Variants in DUOXA1 observed in about 807,000 individuals in gnomAD.
DUOXA1 encodes dual oxidase maturation factor 1, also known as dual oxidase activator 1.
Under a neutral mutation model 26.6 loss-of-function variants are expected in DUOXA1, and 19 were observed. The ratio of observed to expected loss-of-function variants is 0.71; its 90% CI spans 0.50 to 1.05. DUOXA1 has a LOEUF of 1.05. Among genes scored for constraint, DUOXA1 ranks in the 50% least tolerant of loss-of-function variants. DUOXA1 has a pLI of 0.00. For synonymous variants in DUOXA1, 166 were observed against 177.0 expected (o/e 0.94, Z 0.49); for missense variants, 403 against 427.5 (o/e 0.94, Z 0.51).
rs769922324 is a variant in DUOXA1 at position 45,120,801 on chromosome 15, G to A, written c.345C>T (p.Thr115=). ...LGGVNITLTG[T]PVQQLNETIN... The stretch of plus-strand genomic sequence containing the variant: ...TGGTCTCATTCAGCTGCTGCACGGG[G>A]GTCCCTAGGGCACAAGGCAGCTCTG... The change falls in exon 7 of 9, where the codon ACC becomes ACT. Residue 115 remains threonine, a synonymous_variant. Coordinates refer to ENST00000560572, the MANE Select transcript of DUOXA1 (RefSeq NM_001276266.2). 1.9e-6 allele frequency: 3 copies of A among 1,614,024 alleles called. No homozygotes were observed. Among genetic ancestry groups the A allele is most frequent in the African/African-American group, 1.3e-5 (1 of 75,006 alleles).
Position 45,119,035 on chromosome 15 carries a change from C to T in DUOXA1, c.*71G>A. 1 of 1,514,260 alleles carries T rather than the reference C, an allele frequency of 6.6e-7. No homozygotes were observed. The allele number at this position is 1,514,260 out of a possible 1,614,324, so 93.8% of individuals were successfully genotyped here. A position where few individuals can be genotyped will look rare whatever the true frequency, so the allele number is the denominator to read the frequency against. On this transcript the variant is annotated 3_prime_UTR_variant, in exon 9 of 9. Transcript: ENST00000560572. ...AACAGCCACCCTGAGGGCAGTTCTG[C>T]TGGTTTTATGGGGCGCCAATGAGGT...
chr15:45,127,511 C>A (rs1895772989), intron 3 of DUOXA1, among the ~76,000 whole-genome samples: 1 of 152,298 alleles, frequency 6.6e-6, no homozygotes, highest in Non-Finnish European at 1.5e-5. Flanking sequence ...TTCTTAATTT[C>A]TTCTTGTTCC....
chr15:45,124,304 T>G (rs1222839577), intron 3 of DUOXA1, among the ~76,000 whole-genome samples: 3 of 152,338 alleles, frequency 2.0e-5, no homozygotes, highest in African/African-American at 7.2e-5. Context: ...GTAATGTCTA[T>G]CTTGTAAGCA....
intron 6 of DUOXA1, 136 bp from the exon 7 acceptor site, chr15:45,120,941 C>A: frequency 6.7e-7 from 1 of 1,503,342 alleles, no homozygotes. Flanking sequence ...CCCTGAATTT[C>A]CCTTCCTACC....
Position 45,118,584 on chromosome 15 carries a change from T to C in DUOXA1, c.*522A>G. The C allele has an allele frequency of 1.0e-6, 1 of 991,240 alleles. No individual in the cohort carries two copies. The highest frequency in any genetic ancestry group is 4.7e-5 in the South Asian group (1 of 21,430). The allele number at this position is 991,240 out of a possible 1,614,324, so 61.4% of individuals were successfully genotyped here. A position where few individuals can be genotyped will look rare whatever the true frequency, so the allele number is the denominator to read the frequency against. On this transcript the variant is annotated 3_prime_UTR_variant, in exon 9 of 9. Transcript: ENST00000560572. ...AGAATGTGGCATAGTTGGTTAATGT[T>C]AGACCTAGGATGAGAAGTTTGGTTT...
chr15:45,117,460 A>G lies in DUOXA1; in HGVS notation c.*1646T>C. ...ACAGGCACTGTTATGACCATTTTAC[A>G]GATGAAAAGTGGGGGGCTCAGAAGG... On this transcript the variant is annotated 3_prime_UTR_variant, in exon 9 of 9. Transcript: ENST00000560572. 1 of 1,546,360 alleles carries G rather than the reference A, an allele frequency of 6.5e-7. No homozygotes were observed. Among genetic ancestry groups the G allele is most frequent in the Non-Finnish European group, 8.7e-7 (1 of 1,143,642 alleles).
Position 45,119,123 on chromosome 15 carries a change from G to T in DUOXA1, c.1015C>A (p.Pro339Thr). 7 of 1,592,234 alleles carry T rather than the reference G, an allele frequency of 4.4e-6. No individual in the cohort carries two copies. Among genetic ancestry groups the T allele is most frequent in the Non-Finnish European group, 6.0e-6 (7 of 1,162,838 alleles). The change falls in exon 9 of 9, where the codon CCT (proline) becomes ACT (threonine). Residue 339 changes from proline (P) to threonine (T), a missense_variant. Pro to Thr is a conservative substitution (Grantham distance 38). Coordinates refer to ENST00000560572, the MANE Select transcript of DUOXA1 (RefSeq NM_001276266.2). ...GAGGAATGTTATAAAGCACAATCAG[G>T]ATCTTTGGGGTGTGCCTCCTTACAG... ...AYCKEAHPKD[P>T]DCAL
chr15:45,122,787 G>T, intron 4 of DUOXA1, 81 bp downstream of exon 4: 1 of 1,483,856 alleles, frequency 6.7e-7, no homozygotes. Flanking sequence ...TCCTTAGCCT[G>T]GTTGTAGTCA....
rs1314797759 is a variant in DUOXA1 at position 45,118,863 on chromosome 15, C to T, written c.*243G>A. On this transcript the variant is annotated 3_prime_UTR_variant, in exon 9 of 9. Coordinates refer to ENST00000560572, the MANE Select transcript of DUOXA1 (RefSeq NM_001276266.2). Reference sequence around the variant, plus strand: ...TGCTGTGCAGATAAGCTAGCCCCTGCTTGGCCTTATCATGGCAACAGGCTT... The same window carrying T: ...TGCTGTGCAGATAAGCTAGCCCCTGTTTGGCCTTATCATGGCAACAGGCTT... 3 of 1,234,840 alleles carry T rather than the reference C, an allele frequency of 2.4e-6. No homozygotes were observed. The Admixed American group carries it at 1.2e-4, about 49-fold the overall frequency. The allele number at this position is 1,234,840 out of a possible 1,614,324, so 76.5% of individuals were successfully genotyped here. A position where few individuals can be genotyped will look rare whatever the true frequency, so the allele number is the denominator to read the frequency against.
At position 45,121,200 on chromosome 15, in the gene DUOXA1, C is replaced by T. The variant is rs781227856; in HGVS notation, c.227G>A (p.Trp76Ter). Residue 76 changes from tryptophan (W) to a stop codon, truncating the protein, a stop_gained, in exon 6 of 9, where the codon TGG (tryptophan) becomes TAG (stop). Transcript: ENST00000560572. LOFTEE classifies it high-confidence loss of function. ...GTTGGTGCTGACCTGGCCCACAGAC[C>T]ACTCAGAACTGAAATTCACAGCTGT... ...AILAVNFSSE[W>*]SVGQVSTNTS... The T allele has an allele frequency of 2.5e-6, 4 of 1,614,038 alleles. No homozygotes were observed. The highest frequency in any genetic ancestry group is 3.4e-6 in the Non-Finnish European group (4 of 1,180,038).
At position 45,117,876 on chromosome 15, in the gene DUOXA1, C is replaced by A. The variant is rs575532094; in HGVS notation, c.*1230G>T. The A allele has an allele frequency of 6.2e-7, 1 of 1,613,600 alleles. No individual in the cohort carries two copies. The highest frequency in any genetic ancestry group is 1.1e-5 in the South Asian group (1 of 91,088). ...ACCCACTGCACAAGCAGGCCGCTCT[C>A]CCAGACTTAAAATGTATCACCACTA... On this transcript the variant is annotated 3_prime_UTR_variant, in exon 9 of 9. Transcript: ENST00000560572.
rs760211592 is a variant in DUOXA1, at chr15:45,117,613, G to A, written c.*1493C>T. 1.9e-6 allele frequency: 3 copies of A among 1,613,468 alleles called. No homozygotes were observed. Among genetic ancestry groups the A allele is most frequent in the East Asian group, 2.2e-5 (1 of 44,866 alleles). ...CGCCTGTAATCCCAGCACTTTGGGAGGTCGAGGCAGGAAGGTCGTTTGAGG... is the reference window on the plus strand; with the variant it reads ...CGCCTGTAATCCCAGCACTTTGGGAAGTCGAGGCAGGAAGGTCGTTTGAGG... On this transcript the variant is annotated 3_prime_UTR_variant, in exon 9 of 9. Coordinates refer to ENST00000560572, the MANE Select transcript of DUOXA1 (RefSeq NM_001276266.2).
intron 8 of DUOXA1, among the ~76,000 whole-genome samples, chr15:45,119,862 G>C (rs4774519): frequency 0.086 from 13,036 of 151,606 alleles, 631 homozygotes; most frequent in Middle Eastern, 0.13. Context: ...TGGGTGAAGA[G>C]AGTTAGGGGA....
Position 45,129,311 on chromosome 15 carries a change from T to A in DUOXA1, c.-147+149A>T, listed in dbSNP as rs1895968846. 1 of 152,474 alleles carries A rather than the reference T, an allele frequency of 6.6e-6. No individual in the cohort carries two copies. Among genetic ancestry groups the A allele is most frequent in the Non-Finnish European group, 1.5e-5 (1 of 68,378 alleles). 9.4% of individuals were successfully genotyped at this position (152,474 alleles called of 1,614,324 possible). A position where few individuals can be genotyped will look rare whatever the true frequency, so the allele number is the denominator to read the frequency against. On this transcript the variant is annotated intron_variant, in intron 2 of 8. Transcript: ENST00000560572. This position sits in a 1 kb window ranked among gnomAD's most constrained non-coding sequence, Gnocchi z 4.1. ...GCACCCGAGGCTCTGCGGCGCCGCC[T>A]CCCTCTCCCGGCCTGGTACAGAGAA...
chr15:45,123,164 G>A, intron 3 of DUOXA1, 121 bp from the exon 4 acceptor site: 1 of 1,013,366 alleles, frequency 9.9e-7, no homozygotes, highest in South Asian at 2.4e-5. Flanking sequence ...CTCACATTTT[G>A]TGCATCATCA....
chr15:45,120,803 T>C lies in DUOXA1; in HGVS notation c.343A>G (p.Thr115Ala). 1 of 1,613,778 alleles carries C rather than the reference T, an allele frequency of 6.2e-7. No homozygotes were observed. Among genetic ancestry groups the C allele is most frequent in the South Asian group, 1.1e-5 (1 of 91,060 alleles). Residue 115 changes from threonine (T) to alanine (A), a missense_variant and splice_region_variant, in exon 7 of 9, where the codon ACC (threonine) becomes GCC (alanine). Physicochemically the swap from Thr to Ala is moderately conservative, Grantham distance 58. Transcript: ENST00000560572. ...LGGVNITLTG[T>A]PVQQLNETIN... ...GTCTCATTCAGCTGCTGCACGGGGGTCCCTAGGGCACAAGGCAGCTCTGCT... is the reference window on the plus strand; with the variant it reads ...GTCTCATTCAGCTGCTGCACGGGGGCCCCTAGGGCACAAGGCAGCTCTGCT...
In DUOXA1 at chr15:45,129,353, G is replaced by C. The variant is rs1895973591; in HGVS notation, c.-147+107C>G. The C allele has an allele frequency of 6.6e-6, 1 of 152,524 alleles. No homozygotes were observed. The highest frequency in any genetic ancestry group is 2.4e-5 in the African/African-American group (1 of 41,430). The allele number at this position is 152,524 out of a possible 1,614,324, so 9.4% of individuals were successfully genotyped here. On this transcript the variant is annotated intron_variant, in intron 2 of 8. Coordinates refer to ENST00000560572, the MANE Select transcript of DUOXA1 (RefSeq NM_001276266.2). This position sits in a 1 kb window ranked among gnomAD's most constrained non-coding sequence, Gnocchi z 4.1. ...TACAGAGAAGGGCTGGGTGCGCCAG[G>C]ACAGTAGTACCGGGGTCTGCCAGCT...
At chr15:45,120,385 G>A in intron 7 of DUOXA1, 65 bp from the exon 8 acceptor site, 2 of 1,594,418 alleles carry the variant, frequency 1.3e-6, no homozygotes, top group South Asian at 1.1e-5. Flanking sequence ...ATTTGGATGG[G>A]CCCAGGCGGA....
chr15:45,117,708 C>A lies in DUOXA1; in HGVS notation c.*1398G>T, dbSNP rs769271781. 16 of 1,613,506 alleles carry A rather than the reference C, an allele frequency of 9.9e-6. No homozygotes were observed. Among genetic ancestry groups the A allele is most frequent in the South Asian group, 2.2e-5 (2 of 91,050 alleles). On this transcript the variant is annotated 3_prime_UTR_variant, in exon 9 of 9. Transcript: ENST00000560572. The stretch of plus-strand genomic sequence containing the variant: ...TGCCCTCCTTTCTTTCGATCCCCAC[C>A]GCCACAGGCGTCCTGTGCCTCTTCC...
Sources: gnomAD v4.1 joint callset for allele counts (sites outside exome capture counted in the v4.1 genomes callset) on GRCh38, gnomAD v4.1.1 for gene constraint, Gnocchi (gnomAD v3.1) non-coding constraint, MANE v1.5 for transcripts, NCBI Gene and HGNC (gene_info 2026-07-23, HGNC 2026-07-21) for gene names.